Variants in ZC3H4 observed in about 807,000 individuals in gnomAD.
ZC3H4 encodes the protein zinc finger CCCH-type containing 4.
A neutral mutation model predicts 108.3 loss-of-function variants in ZC3H4; 13 were observed. The observed-to-expected ratio is 0.12, with a 90% CI of 0.08 to 0.19. ZC3H4 has a LOEUF of 0.19. Among genes scored for constraint, ZC3H4 ranks in the 10% least tolerant of loss-of-function variants. ZC3H4 has a pLI of 1.00. For missense variants in ZC3H4, 1,734 were observed against 1,838.8 expected, an observed-to-expected ratio of 0.94 and a Z score of 1.04; for synonymous variants, 917 against 749.6, an observed-to-expected ratio of 1.22 and a Z score of -3.65.
intron 2 of ZC3H4, among the ~76,000 whole-genome samples, chr19:47,109,033 A>G (rs1384885697): frequency 6.6e-6 from 1 of 152,192 alleles, no homozygotes; most frequent in African/African-American, 2.4e-5. Flanking sequence ...TAAAAATGTA[A>G]AAGTTTGTAA....
In ZC3H4 at chr19:47,094,543, G is replaced by C. The variant is rs746886788; in HGVS notation, c.227C>G (p.Ser76Cys). 1 of 1,614,054 alleles carries C rather than the reference G, an allele frequency of 6.2e-7. No individual in the cohort carries two copies. ...DDGAEETQDT[S>C]GGPERSRKEK... ...TTTCCGGCTTCTCTCAGGCCCTCCG[G>C]AGGTATCCTGGGTCTCCTCTGCCCC... The change falls in exon 3 of 15, where the codon TCC becomes TGC. Residue 76 changes from serine to cysteine, a missense_variant. Physicochemically the swap from Ser to Cys is moderately radical, Grantham distance 112 (BLOSUM62 -1). Transcript: ENST00000253048.
chr19:47,069,443 G>T, intron 13 of ZC3H4, 100 bp from the exon 14 acceptor site: 1 of 1,448,854 alleles, frequency 6.9e-7, no homozygotes, highest in Non-Finnish European at 9.2e-7. Context: ...GATGGCGATG[G>T]AGAAGGACGC....
chr19:47,084,080 C>T (rs2057571518), intron 9 of ZC3H4, among the ~76,000 whole-genome samples: 2 of 152,184 alleles, frequency 1.3e-5, no homozygotes, highest in Non-Finnish European at 2.9e-5. Context: ...ACGTTTCAGG[C>T]TATATGGATT....
chr19:47,076,145 GA>G lies in ZC3H4; in HGVS notation c.1441-3433del, dbSNP rs899619470. ...TCACCAACGCTGTTGCCTCGAACTG[GA>G]AACAACTCAAATGTCCTTCAACGGA... On this transcript the variant is annotated intron_variant, in intron 11 of 14. Coordinates refer to ENST00000253048, the MANE Select transcript of ZC3H4 (RefSeq NM_015168.2). 3.3e-5 allele frequency among the ~76,000 whole-genome samples: 5 copies of G among 152,336 alleles called. No homozygotes were observed. The East Asian group carries it at 9.6e-4, about 29-fold the overall frequency.
In ZC3H4 at chr19:47,085,170, G is replaced by T; in HGVS notation, c.993C>A (p.Gly331=). ...CCATTCCTTTCCCTCGACCTCGGGA[G>T]CCCCTGCCACGGCCTCGACTTAGCC... ...GRGLSRGRGR[G]SRGRGKGMGR... The change falls in exon 8 of 15, where the codon GGC becomes GGA. Residue 331 remains glycine (G), a synonymous_variant. Transcript: ENST00000253048. 6.2e-7 allele frequency: 1 copy of T among 1,613,220 alleles called. No individual in the cohort carries two copies. The highest frequency in any genetic ancestry group is 1.1e-5 in the South Asian group (1 of 91,024).
chr19:47,097,091 A>G (rs2057834036), intron 2 of ZC3H4: 4 of 715,028 alleles, frequency 5.6e-6, no homozygotes, highest in Non-Finnish European at 6.9e-6. Context: ...ATCATCCAGA[A>G]TGATTCTAGA....
At chr19:47,106,930 G>C (rs1014592548) in intron 2 of ZC3H4, among the ~76,000 whole-genome samples, 3 of 152,188 alleles carry the variant, frequency 2.0e-5, no homozygotes, top group Admixed American at 2.0e-4. Flanking sequence ...CTTGCGTGGG[G>C]AAACTGACTA....
At chr19:47,106,661 A>C (rs907648071) in intron 2 of ZC3H4, among the ~76,000 whole-genome samples, 2 of 152,216 alleles carry the variant, frequency 1.3e-5, no homozygotes, top group African/African-American at 4.8e-5. Flanking sequence ...CAGAAACTGT[A>C]GAAGGTAGGC....
intron 11 of ZC3H4, among the ~76,000 whole-genome samples, chr19:47,077,189 T>C (rs2057437907): frequency 6.7e-6 from 1 of 149,848 alleles, no homozygotes; most frequent in African/African-American, 2.5e-5. Flanking sequence ...CAGAACTATA[T>C]ATCAGGTGCG....
intron 4 of ZC3H4, among the ~76,000 whole-genome samples, chr19:47,092,017 TG>T (rs2057741106): frequency 6.6e-6 from 1 of 152,178 alleles, no homozygotes; most frequent in African/African-American, 2.4e-5. Context: ...GAGACCAGCC[TG>T]GGCAACATTT....
intron 13 of ZC3H4, among the ~76,000 whole-genome samples, chr19:47,070,719 T>C (rs1381701789): frequency 6.6e-6 from 1 of 152,200 alleles, no homozygotes; most frequent in African/African-American, 2.4e-5. Flanking sequence ...ATCTCTAGCC[T>C]GGGCCTCTCC....
At position 47,090,208 on chromosome 19, in the gene ZC3H4, GA is replaced by G; in HGVS notation, c.493-20del. ...GGTGGGACTGCGTCCCAGAGATGGGGAAAAGAGGTGAGCCGGATCCCACAGC... is the reference window on the plus strand; with the variant it reads ...GGTGGGACTGCGTCCCAGAGATGGGGAAAGAGGTGAGCCGGATCCCACAGC... On this transcript the variant is annotated intron_variant, in intron 4 of 14. Transcript: ENST00000253048. The G allele has an allele frequency of 6.2e-7, 1 of 1,613,848 alleles. No individual in the cohort carries two copies. Among genetic ancestry groups the G allele is most frequent in the Non-Finnish European group, 8.5e-7 (1 of 1,179,826 alleles).
rs754710851 is a variant in ZC3H4, at chr19:47,072,576, C to T, written c.1578G>A (p.Pro526=). ...LLPTPPRPPG[P]QAPTSPNGRP... is the part of the protein sequence containing the mutation. ...TGCCGTTGGGAGAGGTTGGAGCCTG[C>T]GGGCCAGGGGGCCGAGGAGGGGTGG... Residue 526 remains proline, a synonymous_variant, in exon 12 of 15, where the codon CCG becomes CCA. Coordinates refer to ENST00000253048, the MANE Select transcript of ZC3H4 (RefSeq NM_015168.2). The surrounding 1 kb of genome is among the most constrained non-coding windows in gnomAD (Gnocchi z 5.6). 18 of 1,566,078 alleles carry T rather than the reference C, an allele frequency of 1.1e-5. No individual in the cohort carries two copies. The highest frequency in any genetic ancestry group is 1.4e-5 in the African/African-American group (1 of 70,842).
At position 47,066,861 on chromosome 19, in the gene ZC3H4, C is replaced by A. The variant is rs771031720; in HGVS notation, c.3407G>T (p.Gly1136Val). ...LAAGGLGQGGGGGQSSVLSGI... is the reference protein window; with the variant it reads ...LAAGGLGQGGVGGQSSVLSGI... Reference sequence around the variant, plus strand: ...GCTCAGCACACTGCTCTGCCCGCCCCCTCCGCCCTGGCCCAGTCCACCGGC... The same window carrying A: ...GCTCAGCACACTGCTCTGCCCGCCCACTCCGCCCTGGCCCAGTCCACCGGC... Residue 1136 changes from glycine (G) to valine (V), a missense_variant, in exon 15 of 15, where the codon GGG becomes GTG. Gly to Val is a moderately radical substitution (Grantham distance 109). Transcript: ENST00000253048. 3 of 1,598,882 alleles carry A rather than the reference C, an allele frequency of 1.9e-6. No homozygotes were observed. Among genetic ancestry groups the A allele is most frequent in the Admixed American group, 3.3e-5 (2 of 59,790 alleles).
intron 11 of ZC3H4, among the ~76,000 whole-genome samples, chr19:47,081,309 G>T (rs1348564381): frequency 6.6e-6 from 1 of 152,324 alleles, no homozygotes; most frequent in South Asian, 2.1e-4. Context: ...GCAAAAGCTT[G>T]TCCTGGCCTA....
intron 2 of ZC3H4, chr19:47,110,896 A>C (rs2058030332): frequency 1.0e-6 from 1 of 985,082 alleles, no homozygotes. Flanking sequence ...AAAGCTCACC[A>C]AACTGCTGCA....
Position 47,072,098 on chromosome 19 carries a change from G to A in ZC3H4, c.1826C>T (p.Pro609Leu). Residue 609 changes from proline to leucine, a missense_variant, in exon 13 of 15, where the codon CCA becomes CTA. This residue lies in a region of ZC3H4 where 540 missense variants were observed against 484.1 expected (regional missense o/e 1.12). Transcript: ENST00000253048. The surrounding 1 kb of genome is among the most constrained non-coding windows in gnomAD (Gnocchi z 5.6). ...GTTGGGCCCAGGGCCCATTGGCCCT[G>A]GGGGTCCACCGGGTCCAGGGAACCT... Reference protein sequence around the residue: ...GVRFPGPGGPPGPMGPGPNMG... With the variant: ...GVRFPGPGGPLGPMGPGPNMG... The A allele has an allele frequency of 1.9e-6, 3 of 1,550,810 alleles. No individual in the cohort carries two copies. Among genetic ancestry groups the A allele is most frequent in the Non-Finnish European group, 2.6e-6 (3 of 1,152,360 alleles).
intron 2 of ZC3H4, among the ~76,000 whole-genome samples, chr19:47,097,854 G>A (rs761676855): frequency 7.2e-5 from 11 of 152,204 alleles, no homozygotes; most frequent in African/African-American, 1.4e-4. Context: ...GCCTGTGCAG[G>A]GAGCACTCTA....
In ZC3H4 at chr19:47,072,716, G is replaced by A; in HGVS notation, c.1441-3C>T. ...GCTTCTGCATCATCGGCCAACATCT[G>A]CGGGTGTGAAAGAACAAAAGAAGGT... On this transcript the variant is annotated splice_polypyrimidine_tract_variant and splice_region_variant and intron_variant, in intron 11 of 14. Transcript: ENST00000253048. This position sits in a 1 kb window ranked among gnomAD's most constrained non-coding sequence, Gnocchi z 5.6. 2 of 1,613,442 alleles carry A rather than the reference G, an allele frequency of 1.2e-6. No homozygotes were observed. Among genetic ancestry groups the A allele is most frequent in the Non-Finnish European group, 1.7e-6 (2 of 1,179,986 alleles).
Sources: allele counts gnomAD v4.1 joint callset (sites outside exome capture counted in the v4.1 genomes callset), GRCh38; gene constraint gnomAD v4.1.1; regional missense constraint gnomAD v4.1.1; non-coding constraint Gnocchi (gnomAD v3.1); transcripts MANE v1.5; gene names NCBI Gene and HGNC (gene_info 2026-07-23, HGNC 2026-07-21).